Variants in DAPK2 observed in about 807,000 individuals in gnomAD.
The protein encoded by DAPK2 is death-associated protein kinase 2.
DAPK2 carries 35 observed loss-of-function variants against 44.1 expected under a neutral mutation model. The observed-to-expected ratio is 0.79, with a 90% confidence interval of 0.61 to 1.05. DAPK2 has a LOEUF of 1.05. Ranked by LOEUF, DAPK2 falls within the 50% of genes least tolerant of loss-of-function variation. The probability of loss-of-function intolerance (pLI) is 0.00; values close to 1 mark genes in which losing one functional copy is unlikely to be tolerated. For synonymous variants in DAPK2, 174 were observed against 182.6 expected, an observed-to-expected ratio of 0.95 and a Z score of 0.38; for missense variants, 453 against 483.2, an observed-to-expected ratio of 0.94 and a Z score of 0.59.
At chr15:63,986,292 G>A (rs1391517471) in intron 1 of DAPK2, among the ~76,000 whole-genome samples, 1 of 152,240 alleles carries the variant, frequency 6.6e-6, no homozygotes, top group African/African-American at 2.4e-5. Context: ...CTAGAGAATT[G>A]TGAAGACTGG....
chr15:63,929,339 G>A (rs2079438895), intron 6 of DAPK2, among the ~76,000 whole-genome samples: 1 of 152,216 alleles, frequency 6.6e-6, no homozygotes, highest in Non-Finnish European at 1.5e-5. Context: ...GCCTGAGGCT[G>A]CTCCCCTGGA....
chr15:63,996,937 T>C (rs1360605725), intron 1 of DAPK2, among the ~76,000 whole-genome samples: 1 of 152,020 alleles, frequency 6.6e-6, no homozygotes, highest in Non-Finnish European at 1.5e-5. Context: ...CCTCAAAAGA[T>C]TTGGCTTTAG....
chr15:63,974,499 G>A (rs550278123), intron 2 of DAPK2, among the ~76,000 whole-genome samples: 1 of 152,324 alleles, frequency 6.6e-6, no homozygotes, highest in South Asian at 2.1e-4. Flanking sequence ...TGGATTTTCT[G>A]ATTGGCAATT....
intron 3 of DAPK2, among the ~76,000 whole-genome samples, chr15:63,970,400 C>T (rs2078179963): frequency 6.6e-6 from 1 of 152,178 alleles, no homozygotes; most frequent in South Asian, 2.1e-4. Flanking sequence ...CCTACCAATC[C>T]TTCAGAACTC....
At chr15:64,045,993 C>A (rs2080452802) in intron 1 of DAPK2, among the ~76,000 whole-genome samples, 2 of 152,230 alleles carry the variant, frequency 1.3e-5, no homozygotes, top group Admixed American at 6.5e-5. Context: ...GGGGGCCTAA[C>A]TCGATGGACG....
At chr15:63,979,412 C>T (rs777142842) in intron 2 of DAPK2, among the ~76,000 whole-genome samples, 7 of 152,132 alleles carry the variant, frequency 4.6e-5, no homozygotes, top group Non-Finnish European at 7.4e-5. Context: ...AGAAAGCAGG[C>T]GGAAGCCCTG....
At chr15:63,984,627 G>C (rs1167460751) in intron 1 of DAPK2, among the ~76,000 whole-genome samples, 3 of 152,108 alleles carry the variant, frequency 2.0e-5, no homozygotes, top group Non-Finnish European at 1.5e-5. Context: ...TCTTGCCCGG[G>C]GGTCCTCCCG....
At chr15:63,914,409 G>A (rs2078873553) in intron 8 of DAPK2, among the ~76,000 whole-genome samples, 1 of 152,264 alleles carries the variant, frequency 6.6e-6, no homozygotes, top group Admixed American at 6.5e-5. Flanking sequence ...AAAAGGACAA[G>A]GCTGCCGGAG....
chr15:64,033,833 T>C (rs1487555152), intron 1 of DAPK2, among the ~76,000 whole-genome samples: 2 of 151,200 alleles, frequency 1.3e-5, no homozygotes, highest in African/African-American at 2.4e-5. Flanking sequence ...GTGTGAACCG[T>C]GAACCCGGGA....
chr15:64,030,196 G>A (rs2079972196), intron 1 of DAPK2, among the ~76,000 whole-genome samples: 1 of 152,148 alleles, frequency 6.6e-6, no homozygotes, highest in Admixed American at 6.5e-5. Context: ...GCTGAGGCAG[G>A]AGAATCGCTT....
intron 3 of DAPK2, among the ~76,000 whole-genome samples, chr15:63,953,683 T>C (rs2140551028): frequency 6.6e-6 from 1 of 152,338 alleles, no homozygotes; most frequent in East Asian, 1.9e-4. Context: ...TTTTAGTTTT[T>C]TGAGGAACCT....
chr15:63,934,248 A>ATTT (rs2077065496), intron 4 of DAPK2, among the ~76,000 whole-genome samples: 2 of 69,682 alleles, frequency 2.9e-5, no homozygotes, highest in South Asian at 4.0e-4. Flanking sequence ...GTTTTATCCT[A>ATTT]GTTTTTTTTT....
At chr15:63,983,424 G>T in intron 2 of DAPK2, 109 bp downstream of exon 3, 1 of 965,898 alleles carries the variant, frequency 1.0e-6, no homozygotes, top group South Asian at 1.5e-5. Flanking sequence ...CCTCTGGGCT[G>T]AGCTTAGGCC....
Position 64,001,130 on chromosome 15 carries a change from G to A in DAPK2, c.93-17376C>T, listed in dbSNP as rs554844519. On this transcript the variant is annotated intron_variant, in intron 1 of 10. Coordinates refer to ENST00000261891, the Ensembl canonical transcript of DAPK2. ...CCTGACCTCAGGTGATCCTGCCTCA[G>A]CCTCCCAAAGTGCTGCAAGTGCAGG... Among the ~76,000 whole-genome samples the A allele has an allele frequency of 1.2e-3, 178 of 151,440 alleles. 1 individual carries two copies. Among genetic ancestry groups the A allele is most frequent in the African/African-American group, 3.9e-3 (160 of 41,248 alleles).
intron 4 of DAPK2, among the ~76,000 whole-genome samples, chr15:63,933,413 T>A (rs1344657331): frequency 1.3e-5 from 2 of 151,970 alleles, no homozygotes; most frequent in African/African-American, 4.8e-5. Flanking sequence ...CAAGCTAATT[T>A]TATATTTTTA....
chr15:64,028,030 G>GTAGC (rs1555483111), intron 1 of DAPK2, among the ~76,000 whole-genome samples: 45 of 94,190 alleles, frequency 4.8e-4, no homozygotes, highest in Non-Finnish European at 9.4e-4. Flanking sequence ...TACATAAACT[G>GTAGC]TATCTATCTA....
At chr15:63,984,156 G>A (rs2078608001) in intron 1 of DAPK2, among the ~76,000 whole-genome samples, 1 of 152,172 alleles carries the variant, frequency 6.6e-6, no homozygotes, top group African/African-American at 2.4e-5. Context: ...AGAGTTTGGA[G>A]AGGAGGCAGC....
At chr15:63,931,998 C>G (rs1442247476) in intron 4 of DAPK2, among the ~76,000 whole-genome samples, 6 of 151,536 alleles carry the variant, frequency 4.0e-5, no homozygotes, top group African/African-American at 1.2e-4. Context: ...AATCCCATCT[C>G]TACTAAAAAT....
At chr15:63,991,058 C>T (rs762417746) in intron 1 of DAPK2, among the ~76,000 whole-genome samples, 1 of 152,150 alleles carries the variant, frequency 6.6e-6, no homozygotes, top group Non-Finnish European at 1.5e-5. Flanking sequence ...ATCCCATGAA[C>T]AAGACGCAGA....
Sources: gnomAD v4.1 joint callset for allele counts (sites outside exome capture counted in the v4.1 genomes callset) on GRCh38, gnomAD v4.1.1 for gene constraint, MANE v1.5 for transcripts, NCBI Gene and HGNC (gene_info 2026-07-23, HGNC 2026-07-21) for gene names.